The following SYT14 variants were observed in gnomAD, a reference collection of about 807,000 sequenced individuals.
The protein encoded by SYT14 is synaptotagmin 14, also known as synaptotagmin-14.
In SYT14, 32 loss-of-function variants were observed where a neutral mutation model predicts 74.2. The observed-to-expected ratio is 0.43, with a 90% CI of 0.33 to 0.58. The LOEUF is 0.58. Ranked by LOEUF, SYT14 falls within the 20% of genes least tolerant of loss-of-function variation. SYT14 has a pLI of 0.05. For synonymous variants in SYT14, 298 were observed against 337.7 expected (o/e 0.88, Z 1.29); for missense variants, 791 against 981.8 (o/e 0.81, Z 2.60).
intron 7 of SYT14, among the ~76,000 whole-genome samples, chr1:210,114,029 G>T (rs1416327223): frequency 6.6e-6 from 1 of 151,404 alleles, no homozygotes; most frequent in African/African-American, 2.5e-5. Context: ...GAAAGAGTCT[G>T]TGTTGGTCCA....
At chr1:209,980,841 C>G (rs1004190894) in intron 2 of SYT14, among the ~76,000 whole-genome samples, 1 of 152,132 alleles carries the variant, frequency 6.6e-6, no homozygotes, top group African/African-American at 2.4e-5. Context: ...GCTGTTTTGG[C>G]TGCTGTAACC....
chr1:209,949,947 A>G (rs1289441965), intron 1 of SYT14, among the ~76,000 whole-genome samples: 1 of 152,212 alleles, frequency 6.6e-6, no homozygotes, highest in African/African-American at 2.4e-5. Context: ...TTTATATAAT[A>G]TAGATAAATT....
chr1:210,050,909 C>T (rs1488892275), intron 5 of SYT14, among the ~76,000 whole-genome samples: 9 of 152,190 alleles, frequency 5.9e-5, no homozygotes, highest in Non-Finnish European at 1.3e-4. Context: ...CACAGCCAAA[C>T]CATATCAGTC....
At chr1:210,008,885 G>C (rs1265465563) in intron 2 of SYT14, among the ~76,000 whole-genome samples, 1 of 152,080 alleles carries the variant, frequency 6.6e-6, no homozygotes, top group East Asian at 1.9e-4. Context: ...TTTTATTAGG[G>C]AGGTATGAAT....
intron 5 of SYT14, among the ~76,000 whole-genome samples, chr1:210,043,159 A>G (rs2102350993): frequency 6.6e-6 from 1 of 152,242 alleles, no homozygotes; most frequent in East Asian, 1.9e-4. Context: ...CTGCAGGGGC[A>G]GATTGTAGAA....
At chr1:210,161,843 G>A (rs2083378935) in exon 10 of SYT14, 1 of 453,022 alleles carries the variant, frequency 2.2e-6, no homozygotes. Context: ...TCCAATGTAG[G>A]AAGCTAATAG....
At chr1:209,989,078 CTGAA>C (rs1394473188) in intron 2 of SYT14, among the ~76,000 whole-genome samples, 1 of 152,074 alleles carries the variant, frequency 6.6e-6, no homozygotes, top group African/African-American at 2.4e-5. Context: ...TTTTCTTCCT[CTGAA>C]TGATCACTCC....
At chr1:210,139,995 C>T (rs756998161) in intron 7 of SYT14, among the ~76,000 whole-genome samples, 3 of 152,034 alleles carry the variant, frequency 2.0e-5, no homozygotes, top group Admixed American at 6.6e-5. Flanking sequence ...ATGTCCAGTT[C>T]TAGAGCTGTA....
intron 5 of SYT14, among the ~76,000 whole-genome samples, chr1:210,042,695 T>G (rs2080815187): frequency 6.6e-6 from 1 of 152,182 alleles, no homozygotes; most frequent in African/African-American, 2.4e-5. Context: ...AGGCCTCTGT[T>G]CTGTTCCATT....
chr1:210,042,698 G>A (rs1175425327), intron 5 of SYT14, among the ~76,000 whole-genome samples: 1 of 152,146 alleles, frequency 6.6e-6, no homozygotes, highest in Non-Finnish European at 1.5e-5. Flanking sequence ...CCTCTGTTCT[G>A]TTCCATTGGT....
intron 1 of SYT14, among the ~76,000 whole-genome samples, chr1:209,946,072 C>A (rs2078818967): frequency 6.6e-6 from 1 of 152,164 alleles, no homozygotes; most frequent in Non-Finnish European, 1.5e-5. Context: ...GCGCTACGAG[C>A]CATGCCAATA....
At chr1:210,012,172 A>C (rs1008453058) in intron 2 of SYT14, among the ~76,000 whole-genome samples, 2 of 152,190 alleles carry the variant, frequency 1.3e-5, no homozygotes, top group African/African-American at 4.8e-5. Context: ...CTTAAAATAT[A>C]ATCATAGAGT....
intron 8 of SYT14, among the ~76,000 whole-genome samples, chr1:210,158,726 A>G (rs916335749): frequency 6.6e-6 from 1 of 152,190 alleles, no homozygotes; most frequent in African/African-American, 2.4e-5. Context: ...AGGATAATTC[A>G]TGGTGTTAGG....
chr1:210,133,340 G>A (rs1180379499), intron 7 of SYT14, among the ~76,000 whole-genome samples: 1 of 152,164 alleles, frequency 6.6e-6, no homozygotes, highest in Non-Finnish European at 1.5e-5. Flanking sequence ...TGCAGCTTTT[G>A]TGACAACCTC....
At chr1:210,138,944 C>G (rs999158051) in intron 7 of SYT14, among the ~76,000 whole-genome samples, 7 of 152,118 alleles carry the variant, frequency 4.6e-5, no homozygotes, top group African/African-American at 1.7e-4. Flanking sequence ...CTGTTACCAA[C>G]AAACCTAAAT....
intron 6 of SYT14, among the ~76,000 whole-genome samples, chr1:210,098,983 A>C (rs1206457543): frequency 6.6e-6 from 1 of 152,074 alleles, no homozygotes; most frequent in Admixed American, 6.6e-5. Flanking sequence ...TCTAGCTAAC[A>C]CTCAGGAAGG....
chr1:210,157,985 T>C lies in SYT14; in HGVS notation c.2225-1436T>C, dbSNP rs61491480. Among the ~76,000 whole-genome samples the C allele has an allele frequency of 3.3e-3, 505 of 152,292 alleles. 6 individuals are homozygous for C. Among genetic ancestry groups the C allele is most frequent in the African/African-American group, 0.012 (488 of 41,564 alleles). On this transcript the variant is annotated intron_variant, in intron 8 of 9. Coordinates refer to ENST00000637265, the Ensembl canonical transcript of SYT14. ...AAAAGTCTGAAGGCTTAAATTCATA[T>C]TTCTACCCTTGGACAGTTGACCTCA... is the stretch of plus-strand genomic sequence containing the variant.
intron 5 of SYT14, among the ~76,000 whole-genome samples, chr1:210,065,537 AT>A (rs1243484941): frequency 1.3e-5 from 2 of 151,516 alleles, no homozygotes; most frequent in African/African-American, 2.4e-5. Context: ...AGTCTCAGGT[AT>A]GTCTTTTTTT....
chr1:209,979,814 G>A (rs943393464), intron 2 of SYT14, among the ~76,000 whole-genome samples: 4 of 152,108 alleles, frequency 2.6e-5, no homozygotes, highest in East Asian at 1.9e-4. Context: ...ATGGTATTCC[G>A]TGGTGTATAT....
Sources: gnomAD v4.1 joint callset for allele counts (sites outside exome capture counted in the v4.1 genomes callset) on GRCh38, gnomAD v4.1.1 for gene constraint, MANE v1.5 for transcripts, NCBI Gene and HGNC (gene_info 2026-07-23, HGNC 2026-07-21) for gene names.